Variants in POLR1B observed in about 807,000 individuals in gnomAD.
The protein encoded by POLR1B is RNA polymerase I subunit B.
In POLR1B, 30 loss-of-function variants were observed where a neutral mutation model predicts 105.8. The ratio of observed to expected loss-of-function variants is 0.28; its 90% CI spans 0.21 to 0.38. POLR1B has a LOEUF of 0.38. Ranked by LOEUF, POLR1B falls within the 10% of genes least tolerant of loss-of-function variation. The pLI is 1.00. For synonymous variants in POLR1B, 485 were observed against 505.1 expected (o/e 0.96, Z 0.53); for missense variants, 976 against 1,435.8 (o/e 0.68, Z 5.17).
At chr2:112,544,097 A>T (rs151182334) in intron 1 of POLR1B, among the ~76,000 whole-genome samples, 17 of 152,158 alleles carry the variant, frequency 1.1e-4, no homozygotes, top group African/African-American at 4.1e-4. Flanking sequence ...TTAAAAAAAA[A>T]AAATCCAATT....
rs1347607086 is a variant in POLR1B, at chr2:112,573,728, C to T, written c.2438C>T (p.Pro813Leu). 2 of 1,614,170 alleles carry T rather than the reference C, an allele frequency of 1.2e-6. No individual in the cohort carries two copies. The highest frequency in any genetic ancestry group is 1.1e-5 in the South Asian group (1 of 91,082). ...CAGAAGTTAGATGACGATGGATTGCCGTTTATAGGAGCAAAACTGCAGTAC... is the reference window on the plus strand; with the variant it reads ...CAGAAGTTAGATGACGATGGATTGCTGTTTATAGGAGCAAAACTGCAGTAC... ...VLQKLDDDGL[P>L]FIGAKLQYGD... Residue 813 changes from proline to leucine, a missense_variant, in exon 14 of 15, where the codon CCG becomes CTG. Transcript: ENST00000263331.
chr2:112,557,764 G>A (rs1485509859), intron 7 of POLR1B, 146 bp from the exon 8 acceptor site: 1 of 80,684 alleles, frequency 1.2e-5, no homozygotes, highest in East Asian at 4.3e-4. Flanking sequence ...TAATTTTTTT[G>A]TAGACAGGGT....
At position 112,556,604 on chromosome 2, in the gene POLR1B, G is replaced by A. The variant is rs143810777; in HGVS notation, c.1159-1306G>A. Among the ~76,000 whole-genome samples the A allele has an allele frequency of 2.8e-4, 43 of 152,328 alleles. No homozygotes were observed. In the East Asian group the frequency reaches 7.1e-3, roughly 25 times the overall value. On this transcript the variant is annotated intron_variant, in intron 7 of 14. Transcript: ENST00000263331. ...GTGAGTGTTCAAACACTGATAGTTT[G>A]AAGAGGTGGATTATCAATAGTCAAT...
intron 6 of POLR1B, among the ~76,000 whole-genome samples, chr2:112,552,379 C>CT (rs143059574): frequency 1.3e-5 from 2 of 152,138 alleles, no homozygotes; most frequent in Non-Finnish European, 1.5e-5. Context: ...GATTGTATCA[C>CT]TTTATTTCTC....
At chr2:112,572,784 C>T (rs1474663984) in intron 13 of POLR1B, 26 bp downstream of exon 13, 4 of 1,515,374 alleles carry the variant, frequency 2.6e-6, no homozygotes, top group African/African-American at 1.4e-5. Context: ...AAATGTTGTT[C>T]CAATCTTTTT....
At chr2:112,565,330 C>G (rs1684221724) in intron 10 of POLR1B, among the ~76,000 whole-genome samples, 1 of 152,168 alleles carries the variant, frequency 6.6e-6, no homozygotes, top group Admixed American at 6.6e-5. Flanking sequence ...GCCCTACATC[C>G]TTTATCTTCT....
chr2:112,566,605 A>G (rs1225052541), intron 10 of POLR1B, among the ~76,000 whole-genome samples: 2 of 152,194 alleles, frequency 1.3e-5, no homozygotes, highest in Non-Finnish European at 2.9e-5. Flanking sequence ...GATGCTCAGA[A>G]AGTGTATGAG....
At chr2:112,565,583 C>T (rs536312435) in intron 10 of POLR1B, among the ~76,000 whole-genome samples, 8 of 150,534 alleles carry the variant, frequency 5.3e-5, no homozygotes, top group South Asian at 4.2e-4. Flanking sequence ...TTTAGAGAGA[C>T]GGGTCTCACT....
intron 14 of POLR1B, 57 bp from the exon 15 acceptor site, chr2:112,574,790 C>A: frequency 7.0e-5 from 73 of 1,042,522 alleles, no homozygotes; most frequent in East Asian, 1.3e-4. Context: ...ATCAATGAAA[C>A]TTATCTCCAT....
Position 112,578,990 on chromosome 2 carries a change from T to C in POLR1B, c.*3261T>C, listed in dbSNP as rs1036307941. ...TGGCAGGCTGAGGTGTGCAGATCAC[T>C]TGAGGTCAGGAGTTTGAGACCAGCC... On this transcript the variant is annotated 3_prime_UTR_variant, in exon 15 of 15. Transcript: ENST00000263331. Among the ~76,000 whole-genome samples the C allele has an allele frequency of 5.3e-5, 8 of 151,730 alleles. No individual in the cohort carries two copies. The highest frequency in any genetic ancestry group is 1.9e-4 in the African/African-American group (8 of 41,300).
At chr2:112,545,801 G>A (rs751229699) in intron 1 of POLR1B, 6 of 364,858 alleles carry the variant, frequency 1.6e-5, no homozygotes, top group Admixed American at 3.5e-5. Flanking sequence ...CACTATGCCC[G>A]GCTAATTTTT....
chr2:112,548,796 TAG>T (rs1436161750), intron 3 of POLR1B, among the ~76,000 whole-genome samples: 1 of 152,148 alleles, frequency 6.6e-6, no homozygotes, highest in East Asian at 1.9e-4. Flanking sequence ...GTATTTTTAG[TAG>T]AGACGGGGTT....
intron 5 of POLR1B, among the ~76,000 whole-genome samples, chr2:112,551,316 T>C (rs1021467696): frequency 2.0e-5 from 3 of 152,126 alleles, no homozygotes; most frequent in Non-Finnish European, 4.4e-5. Flanking sequence ...GGCTGGCAAA[T>C]CTGCTGGTTG....
In POLR1B at chr2:112,565,212, G is replaced by A. The variant is rs375960859; in HGVS notation, c.1746+713G>A. 3.9e-5 allele frequency among the ~76,000 whole-genome samples: 6 copies of A among 152,208 alleles called. No individual in the cohort carries two copies. In the South Asian group the frequency reaches 1.2e-3, roughly 32 times the overall value. On this transcript the variant is annotated intron_variant, in intron 10 of 14. Transcript: ENST00000263331. ...TTTAATTCTTATATTCCTATAAGTG[G>A]AATTGTGGCTCATTTGATATAATTT...
chr2:112,559,340 C>T lies in POLR1B; in HGVS notation c.1378C>T (p.Leu460=). ...TGGACTTTGTGTTGTGGCTGACAAGCTGAACTTCATACGCTACCTCTCCCA... is the reference window on the plus strand; with the variant it reads ...TGGACTTTGTGTTGTGGCTGACAAGTTGAACTTCATACGCTACCTCTCCCA... ...DSGLCVVADK[L]NFIRYLSHFR... The change falls in exon 9 of 15, where the codon CTG becomes TTG. Residue 460 remains leucine (L), a synonymous_variant. Coordinates refer to ENST00000263331, the MANE Select transcript of POLR1B (RefSeq NM_019014.6). 6.2e-7 allele frequency: 1 copy of T among 1,614,192 alleles called. No individual in the cohort carries two copies. Among genetic ancestry groups the T allele is most frequent in the Non-Finnish European group, 8.5e-7 (1 of 1,180,046 alleles).
rs745922005 is a variant in POLR1B at position 112,568,758 on chromosome 2, G to A, written c.1930G>A (p.Val644Ile). ...TCTGCTCTTCCAGATCTTCATGAAT[G>A]TCGCTATCTTTGAGGATGAAGTTTT... ...IGTMEQIFMNVAIFEDEVFAG... is the reference protein window; with the variant it reads ...IGTMEQIFMNIAIFEDEVFAG... Residue 644 changes from valine (V) to isoleucine (I), a missense_variant, in exon 12 of 15, where the codon GTC (valine) becomes ATC (isoleucine). Transcript: ENST00000263331. The A allele has an allele frequency of 1.2e-6, 2 of 1,614,034 alleles. No individual in the cohort carries two copies. The highest frequency in any genetic ancestry group is 2.2e-5 in the South Asian group (2 of 91,068).
chr2:112,569,779 C>T (rs1369531569), intron 12 of POLR1B, among the ~76,000 whole-genome samples: 6 of 151,912 alleles, frequency 3.9e-5, no homozygotes, highest in African/African-American at 1.5e-4. Context: ...AGGCTGGTCT[C>T]GAACTCCTGA....
intron 2 of POLR1B, 25 bp from the exon 3 acceptor site, chr2:112,547,396 A>G (rs1683113180): frequency 6.2e-7 from 1 of 1,604,992 alleles, no homozygotes; most frequent in East Asian, 2.2e-5. Context: ...TCTGTTAAGT[A>G]ACTTTTTCTC....
chr2:112,561,797 G>A (rs557205061), intron 9 of POLR1B, among the ~76,000 whole-genome samples: 1 of 152,252 alleles, frequency 6.6e-6, no homozygotes, highest in South Asian at 2.1e-4. Context: ...CAGCACTTCA[G>A]TGCTGCACTC....
Sources: allele counts gnomAD v4.1 joint callset (sites outside exome capture counted in the v4.1 genomes callset), GRCh38; gene constraint gnomAD v4.1.1; transcripts MANE v1.5; gene names NCBI Gene and HGNC (gene_info 2026-07-23, HGNC 2026-07-21).